Variants in PDE3B observed in about 807,000 individuals in gnomAD.
PDE3B encodes cGMP-inhibited 3',5'-cyclic phosphodiesterase 3B.
PDE3B carries 66 observed loss-of-function variants against 116.8 expected under a neutral mutation model. The observed-to-expected ratio is 0.56, with a 90% CI of 0.46 to 0.69. The LOEUF (loss-of-function observed/expected upper bound fraction) is 0.69. Ranked by LOEUF, PDE3B falls within the 30% of genes least tolerant of loss-of-function variation. PDE3B has a pLI of 0.00. For missense variants in PDE3B, 1,384 were observed against 1,368.1 expected, an observed-to-expected ratio of 1.01 and a Z score of -0.18; for synonymous variants, 595 against 533.6, an observed-to-expected ratio of 1.12 and a Z score of -1.59.
At chr11:14,862,793 C>T (rs910525410) in intron 14 of PDE3B, among the ~76,000 whole-genome samples, 5 of 152,134 alleles carry the variant, frequency 3.3e-5, no homozygotes, top group African/African-American at 4.8e-5. Context: ...AGGCTGGTCT[C>T]GAACTCCTGA....
intron 1 of PDE3B, among the ~76,000 whole-genome samples, chr11:14,665,448 T>C (rs1345076564): frequency 6.6e-6 from 1 of 152,124 alleles, no homozygotes; most frequent in Non-Finnish European, 1.5e-5. Context: ...AAATAAAGGG[T>C]ATTCAATTAG....
chr11:14,666,206 G>C (rs1343503004), intron 1 of PDE3B, among the ~76,000 whole-genome samples: 2 of 148,466 alleles, frequency 1.3e-5, no homozygotes, highest in East Asian at 2.0e-4. Context: ...TTAATAAATG[G>C]TGCTGGGAAA....
chr11:14,837,010 C>A (rs1860077178), intron 11 of PDE3B, among the ~76,000 whole-genome samples: 1 of 152,218 alleles, frequency 6.6e-6, no homozygotes, highest in African/African-American at 2.4e-5. Flanking sequence ...GATGGGGTTT[C>A]ACCATGTTGC....
chr11:14,770,484 T>C (rs1169953454), intron 1 of PDE3B, among the ~76,000 whole-genome samples: 11 of 151,584 alleles, frequency 7.3e-5, no homozygotes, highest in Admixed American at 7.3e-4. Flanking sequence ...TATGTTAATC[T>C]TAAGGAGCAT....
chr11:14,708,890 C>G (rs1855613995), intron 1 of PDE3B, among the ~76,000 whole-genome samples: 1 of 151,970 alleles, frequency 6.6e-6, no homozygotes, highest in South Asian at 2.1e-4. Context: ...ATGCACTAAT[C>G]TTATTTTTGC....
chr11:14,691,316 A>G (rs1855035883), intron 1 of PDE3B, among the ~76,000 whole-genome samples: 1 of 152,204 alleles, frequency 6.6e-6, no homozygotes. Flanking sequence ...GAAATGTTTC[A>G]TGACATAGTT....
chr11:14,709,161 T>G (rs1359831482), intron 1 of PDE3B, among the ~76,000 whole-genome samples: 2 of 151,816 alleles, frequency 1.3e-5, no homozygotes, highest in African/African-American at 4.8e-5. Context: ...GAAAAAAAAG[T>G]GCAGAGTGGT....
chr11:14,780,310 C>T (rs79878496), intron 2 of PDE3B, among the ~76,000 whole-genome samples: 5 of 152,142 alleles, frequency 3.3e-5, no homozygotes, highest in East Asian at 3.9e-4. Flanking sequence ...CTGCACCAAG[C>T]GAACCTAATA....
chr11:14,880,363 G>C, the PDE3B span: 2 of 1,613,370 alleles, frequency 1.2e-6, no homozygotes, highest in Non-Finnish European at 1.7e-6. Flanking sequence ...AATGAGTCTG[G>C]AGAGAAAATC....
chr11:14,863,647 A>G (rs536037200), intron 14 of PDE3B, among the ~76,000 whole-genome samples: 1 of 152,312 alleles, frequency 6.6e-6, no homozygotes, highest in Admixed American at 6.5e-5. Flanking sequence ...GGGGGCCAAT[A>G]TTCAACATTC....
At chr11:14,705,280 A>C (rs1323943177) in intron 1 of PDE3B, among the ~76,000 whole-genome samples, 2 of 151,854 alleles carry the variant, frequency 1.3e-5, no homozygotes, top group East Asian at 3.9e-4. Flanking sequence ...ATGAATGGTT[A>C]AACAAATTGT....
intron 1 of PDE3B, among the ~76,000 whole-genome samples, chr11:14,722,391 A>C (rs768326464): frequency 3.3e-5 from 5 of 152,230 alleles, no homozygotes; most frequent in African/African-American, 4.8e-5. Context: ...ACTGGCAGAT[A>C]GAGTAAAAAA....
At chr11:14,865,324 C>T (rs573959960) in intron 14 of PDE3B, among the ~76,000 whole-genome samples, 37 of 152,258 alleles carry the variant, frequency 2.4e-4, no homozygotes, top group Non-Finnish European at 4.9e-4. Flanking sequence ...ATTTTGTTAT[C>T]TCCAAAATAG....
the PDE3B span, among the ~76,000 whole-genome samples, chr11:14,896,560 A>G: frequency 1.3e-5 from 2 of 152,208 alleles, no homozygotes; most frequent in African/African-American, 2.4e-5. Context: ...TCTGAAGTAA[A>G]GAAACAGTTC....
At chr11:14,879,507 C>T in the PDE3B span, 1 of 1,315,076 alleles carries the variant, frequency 7.6e-7, no homozygotes, top group South Asian at 1.2e-5. Flanking sequence ...AGTTATTTCC[C>T]TCTGGAATAA....
At chr11:14,772,961 T>C (rs903162497) in intron 2 of PDE3B, 2 of 152,000 alleles carry the variant, frequency 1.3e-5, no homozygotes, top group African/African-American at 4.8e-5. Flanking sequence ...CTTTTATTTC[T>C]TTTTCTCATG....
chr11:14,805,132 C>G (rs974645532), intron 5 of PDE3B, among the ~76,000 whole-genome samples: 1 of 152,074 alleles, frequency 6.6e-6, no homozygotes, highest in Non-Finnish European at 1.5e-5. Flanking sequence ...AAGCAAACAA[C>G]AAATTCATAA....
intron 1 of PDE3B, among the ~76,000 whole-genome samples, chr11:14,714,640 C>T (rs552129774): frequency 6.6e-6 from 1 of 152,124 alleles, no homozygotes; most frequent in South Asian, 2.1e-4. Flanking sequence ...ACTGATGCCC[C>T]AAGATGGTGC....
At chr11:14,834,833 C>T in intron 10 of PDE3B, 149 bp from the exon 11 acceptor site, 1 of 454,282 alleles carries the variant, frequency 2.2e-6, no homozygotes, top group Non-Finnish European at 4.0e-6. Flanking sequence ...TTTTTTAATA[C>T]ATCAAGAGAC....
Sources: allele counts gnomAD v4.1 joint callset (sites outside exome capture counted in the v4.1 genomes callset), GRCh38; gene constraint gnomAD v4.1.1; transcripts MANE v1.5; gene names NCBI Gene and HGNC (gene_info 2026-07-23, HGNC 2026-07-21).